The following MADD variants were observed in gnomAD, a reference collection of about 807,000 sequenced individuals.
MADD encodes the protein MAP kinase-activating death domain protein.
MADD carries 109 observed loss-of-function variants against 176.7 expected under a neutral mutation model. The ratio of observed to expected loss-of-function variants is 0.62; its 90% CI spans 0.53 to 0.72. MADD has a LOEUF of 0.72. MADD is among the 30% of genes least tolerant of loss of function. The pLI, the probability that MADD is intolerant of heterozygous loss-of-function variation, is 0.00. For synonymous variants in MADD, 771 were observed against 771.3 expected, an observed-to-expected ratio of 1.00 and a Z score of 0.01; for missense variants, 1,914 against 2,045.5, an observed-to-expected ratio of 0.94 and a Z score of 1.24.
At chr11:47,277,375 C>T (rs977729493) in intron 5 of MADD, among the ~76,000 whole-genome samples, 3 of 152,222 alleles carry the variant, frequency 2.0e-5, no homozygotes, top group African/African-American at 7.2e-5. Context: ...CCACTGGAGC[C>T]TCTGCCTTCC....
At chr11:47,326,451 G>A (rs2095468328) in intron 30 of MADD, 93 bp from the exon 34 acceptor site, 14 of 1,059,232 alleles carry the variant, frequency 1.3e-5, no homozygotes, top group South Asian at 1.3e-4. Context: ...GGGTACGGGC[G>A]GGCAGCCCAG....
exon 10 of MADD, chr11:47,282,929 C>T: frequency 1.2e-6 from 2 of 1,613,878 alleles, no homozygotes; most frequent in South Asian, 1.1e-5. Context: ...CCTGAGTGTA[C>T]CACCAGAGCG....
intron 26 of MADD, among the ~76,000 whole-genome samples, chr11:47,314,630 C>G (rs1245851285): frequency 1.3e-5 from 2 of 152,140 alleles, no homozygotes; most frequent in African/African-American, 4.8e-5. Context: ...GCTTCTGCTT[C>G]CCAAGTTCTG....
chr11:47,290,003 C>CG lies in MADD; in HGVS notation c.2894dup (p.Met966HisfsTer65), dbSNP rs762409015. ...AGTCTTTGTCCTGAGCAAGCTGAAC[C>CG]GCATGGTGCAGTCAGAGGACGATGC... On this transcript the variant is annotated frameshift_variant, in exon 17 of 33. Transcript: ENST00000402192. LOFTEE classifies it high-confidence loss of function. The CG allele has an allele frequency of 6.2e-7, 1 of 1,614,126 alleles. No individual in the cohort carries two copies. The highest frequency in any genetic ancestry group is 8.5e-7 in the Non-Finnish European group (1 of 1,180,024).
chr11:47,282,794 C>G lies in MADD; in HGVS notation c.1706-19C>G. ...TTTTCCTTGCTGCTGACTTTCTGTT[C>G]TTTTCCCTCATGGGGTAGATATGTT... On this transcript the variant is annotated intron_variant, in intron 9 of 32. Transcript: ENST00000402192. The G allele has an allele frequency of 6.2e-7, 1 of 1,608,248 alleles. No individual in the cohort carries two copies. The highest frequency in any genetic ancestry group is 8.5e-7 in the Non-Finnish European group (1 of 1,175,716).
Position 47,315,087 on chromosome 11 carries a change from G to A in MADD, c.4090-133G>A, listed in dbSNP as rs1339791476. On this transcript the variant is annotated intron_variant, in intron 26 of 32. Transcript: ENST00000402192. The stretch of plus-strand genomic sequence containing the variant: ...CCAAAACATCTGAAACCACTTCCCT[G>A]GTGACCAGTGGCCAGCAGATGAGAC... 18 of 502,828 alleles carry A rather than the reference G, an allele frequency of 3.6e-5. No homozygotes were observed. The South Asian group carries it at 5.0e-4, about 14-fold the overall frequency. The allele number at this position is 502,828 out of a possible 1,614,324, so 31.1% of individuals were successfully genotyped here.
chr11:47,290,423 G>A (rs1592805914), intron 18 of MADD, 124 bp downstream of exon 19: 2 of 1,376,422 alleles, frequency 1.5e-6, no homozygotes, highest in East Asian at 4.9e-5. Flanking sequence ...TAGGCTTTGG[G>A]ATTTTATTTT....
At chr11:47,308,388 A>T (rs2084874869) in intron 22 of MADD, among the ~76,000 whole-genome samples, 2 of 152,356 alleles carry the variant, frequency 1.3e-5, no homozygotes, top group South Asian at 4.1e-4. Context: ...GAGTAAAGAT[A>T]AGTCAAAAAT....
Position 47,285,604 on chromosome 11 carries a change from G to A in MADD, c.2551+14G>A. Reference sequence around the variant, plus strand: ...TGTCTTTTGCCAGTAAGTGCCTTCAGCTGTCTCTCTCACTCCTGTGTTCCA... The same window carrying A: ...TGTCTTTTGCCAGTAAGTGCCTTCAACTGTCTCTCTCACTCCTGTGTTCCA... On this transcript the variant is annotated intron_variant, in intron 14 of 32. Transcript: ENST00000402192. The A allele has an allele frequency of 1.2e-6, 2 of 1,613,888 alleles. No homozygotes were observed. Among genetic ancestry groups the A allele is most frequent in the South Asian group, 2.2e-5 (2 of 91,076 alleles).
intron 19 of MADD, 67 bp from the exon 21 acceptor site, chr11:47,292,476 A>G: frequency 6.7e-7 from 1 of 1,486,626 alleles, no homozygotes; most frequent in Non-Finnish European, 9.4e-7. Flanking sequence ...GTGGGTTTCC[A>G]TTTCGTCTGT....
At chr11:47,308,592 G>A in exon 23 of MADD, 2 of 1,613,396 alleles carry the variant, frequency 1.2e-6, no homozygotes, top group Non-Finnish European at 1.7e-6. Flanking sequence ...TCTCTCTAGG[G>A]TAAAGCCCAC....
chr11:47,275,246 C>T, intron 3 of MADD, 87 bp downstream of exon 3: 3 of 1,148,358 alleles, frequency 2.6e-6, no homozygotes, highest in South Asian at 1.4e-5. Flanking sequence ...ATTTCCTCTA[C>T]AGCTCAAGGT....
At position 47,282,529 on chromosome 11, in the gene MADD, G is replaced by A. The variant is rs141289296; in HGVS notation, c.1618G>A (p.Glu540Lys). The change falls in exon 9 of 33, where the codon GAG (glutamate) becomes AAG (lysine). Residue 540 changes from glutamate to lysine, a missense_variant. By Grantham distance (56) the Glu-to-Lys change is moderately conservative. Around this residue, in one of 2 missense-constraint regions of MADD, gnomAD observed 1,767 missense variants for 1,836.0 expected, o/e 0.96. Transcript: ENST00000402192. ...ACGTCCCCGGCAGACTCCTTTTGCC[G>A]AGAAATTGGCCAGGACTCAGGCTGT... is the stretch of plus-strand genomic sequence containing the variant. 8.1e-6 allele frequency: 13 copies of A among 1,614,038 alleles called. No homozygotes were observed. Among genetic ancestry groups the A allele is most frequent in the Non-Finnish European group, 1.0e-5 (12 of 1,180,038 alleles).
At position 47,325,702 on chromosome 11, in the gene MADD, A is replaced by G. The variant is rs1284749931; in HGVS notation, c.4543-1036A>G. 1.3e-5 allele frequency among the ~76,000 whole-genome samples: 2 copies of G among 152,272 alleles called. No homozygotes were observed. The highest frequency in any genetic ancestry group is 2.9e-5 in the Non-Finnish European group (2 of 68,050). The stretch of plus-strand genomic sequence containing the variant: ...TGCTTTTCTGGACCACAAAGGTGTC[A>G]GTACTTCTTGGGGAGCAGACTTCTG... On this transcript the variant is annotated intron_variant, in intron 30 of 32. Transcript: ENST00000402192. The surrounding 1 kb of genome is among the most constrained non-coding windows in gnomAD (Gnocchi z 4.5).
chr11:47,275,797 G>A (rs1386512443), intron 3 of MADD, 102 bp from the exon 4 acceptor site: 11 of 1,150,610 alleles, frequency 9.6e-6, no homozygotes, highest in African/African-American at 6.2e-5. Context: ...ATGATGCTCC[G>A]TTTCCCATTG....
chr11:47,284,924 T>C lies in MADD; in HGVS notation c.2158-17T>C. 6.2e-7 allele frequency: 1 copy of C among 1,612,818 alleles called. No individual in the cohort carries two copies. Among genetic ancestry groups the C allele is most frequent in the Non-Finnish European group, 8.5e-7 (1 of 1,179,534 alleles). On this transcript the variant is annotated splice_polypyrimidine_tract_variant and intron_variant, in intron 12 of 32. Transcript: ENST00000402192. ...TTGGGCACCAGGTAACCACTTTTAA[T>C]TTCATGCGGCCTTTAGGAACCTGCT...
chr11:47,308,535 C>CTTTGTCTCTA, intron 22 of MADD, 56 bp from the exon 25 acceptor site: 1 of 1,367,630 alleles, frequency 7.3e-7, no homozygotes, highest in Non-Finnish European at 1.0e-6. Context: ...GCGTGGTTTC[C>CTTTGTCTCTA]TTTGTCTCTA....
At chr11:47,317,498 G>T (rs2093407564) in intron 27 of MADD, among the ~76,000 whole-genome samples, 1 of 152,148 alleles carries the variant, frequency 6.6e-6, no homozygotes. Context: ...TTTGCTGATT[G>T]TGTCTCCTTT....
chr11:47,306,237 C>G (rs2082523287), intron 22 of MADD, among the ~76,000 whole-genome samples: 1 of 152,134 alleles, frequency 6.6e-6, no homozygotes, highest in African/African-American at 2.4e-5. Context: ...CTTGGGGAAT[C>G]ATGTAATAGC....
Sources: allele counts gnomAD v4.1 joint callset (sites outside exome capture counted in the v4.1 genomes callset), GRCh38; gene constraint gnomAD v4.1.1; regional missense constraint gnomAD v4.1.1; non-coding constraint Gnocchi (gnomAD v3.1); transcripts MANE v1.5; gene names NCBI Gene and HGNC (gene_info 2026-07-23, HGNC 2026-07-21).